Variants in SMARCAL1 observed in about 807,000 individuals in gnomAD.
SMARCAL1 encodes ATP-driven annealing helicase.
Under a neutral mutation model 94.5 loss-of-function variants are expected in SMARCAL1, and 58 were observed. That is an observed-to-expected ratio of 0.61 (90% CI 0.50 to 0.76). The LOEUF (loss-of-function observed/expected upper bound fraction) is 0.76. Ranked by LOEUF, SMARCAL1 falls within the 30% of genes least tolerant of loss-of-function variation. The pLI is 0.00. For missense variants in SMARCAL1, 1,051 were observed against 1,177.9 expected, an observed-to-expected ratio of 0.89 and a Z score of 1.58; for synonymous variants, 422 against 455.1, an observed-to-expected ratio of 0.93 and a Z score of 0.93.
In SMARCAL1 at chr2:216,445,147, G is replaced by A. The variant is rs1044960381; in HGVS notation, c.1711-1871G>A. On this transcript the variant is annotated intron_variant, in intron 10 of 17. Coordinates refer to ENST00000357276, the MANE Select transcript of SMARCAL1 (RefSeq NM_014140.4). ...GATTTATGTAGTTTTATAGATTTCT[G>A]TTTTCCTAGATTTGGAAGTTTTCAG... Among the ~76,000 whole-genome samples, 3 of 152,098 alleles carry A rather than the reference G, an allele frequency of 2.0e-5. No individual in the cohort carries two copies. The East Asian group carries it at 5.8e-4, about 29-fold the overall frequency.
At chr2:216,446,795 A>G in intron 10 of SMARCAL1, 1 of 669,946 alleles carries the variant, frequency 1.5e-6, no homozygotes, top group Non-Finnish European at 2.7e-6. Flanking sequence ...ATTCAATGTA[A>G]TATGTTAAGT....
Position 216,483,031 on chromosome 2 carries a change from A to C in SMARCAL1, c.*54A>C. ...ATTTTAAAATCATGGAATTGAAATA[A>C]AATAATGTATTTTGTTTTAAAACTT... On this transcript the variant is annotated 3_prime_UTR_variant, in exon 18 of 18. Coordinates refer to ENST00000357276, the MANE Select transcript of SMARCAL1 (RefSeq NM_014140.4). The C allele has an allele frequency of 6.2e-7, 1 of 1,601,392 alleles. No individual in the cohort carries two copies. The highest frequency in any genetic ancestry group is 8.5e-7 in the Non-Finnish European group (1 of 1,173,478).
Position 216,423,700 on chromosome 2 carries a change from A to G in SMARCAL1, c.1147+17A>G, listed in dbSNP as rs1426572907. 8 of 1,603,916 alleles carry G rather than the reference A, an allele frequency of 5.0e-6. No homozygotes were observed. The highest frequency in any genetic ancestry group is 6.0e-6 in the Non-Finnish European group (7 of 1,170,822). The stretch of plus-strand genomic sequence containing the variant: ...GTAAACTAAGTGAGAAGCCTTCCTT[A>G]CTTGTTTTATATCATGCTATTGTTA... On this transcript the variant is annotated intron_variant, in intron 6 of 17. Coordinates refer to ENST00000357276, the MANE Select transcript of SMARCAL1 (RefSeq NM_014140.4).
chr2:216,427,125 T>C (rs1574452586), intron 6 of SMARCAL1: 1 of 152,240 alleles, frequency 6.6e-6, no homozygotes, highest in Admixed American at 6.5e-5. Context: ...CATTAGCATC[T>C]CTGCTATGTG....
chr2:216,478,159 T>C, intron 16 of SMARCAL1, 44 bp from the exon 17 acceptor site: 1 of 1,480,558 alleles, frequency 6.8e-7, no homozygotes, highest in Non-Finnish European at 9.5e-7. Context: ...AGTCTGGTGG[T>C]TCTGTGCAGG....
intron 12 of SMARCAL1, among the ~76,000 whole-genome samples, chr2:216,463,725 A>C (rs990496090): frequency 3.6e-4 from 55 of 152,174 alleles, no homozygotes; most frequent in African/African-American, 1.3e-3. Context: ...TATACCAAGA[A>C]CACCTGAATA....
intron 17 of SMARCAL1, among the ~76,000 whole-genome samples, chr2:216,478,503 G>C (rs996353911): frequency 6.6e-6 from 1 of 152,176 alleles, no homozygotes; most frequent in African/African-American, 2.4e-5. Context: ...AGCTCCTACA[G>C]CTGCTGACAT....
intron 12 of SMARCAL1, among the ~76,000 whole-genome samples, chr2:216,457,124 A>G (rs1277897104): frequency 7.4e-6 from 1 of 135,312 alleles, no homozygotes; most frequent in East Asian, 2.2e-4. Context: ...GGATCAATTC[A>G]ACAAGAAGAG....
At chr2:216,423,841 A>C (rs1416740291) in intron 6 of SMARCAL1, among the ~76,000 whole-genome samples, 158 bp downstream of exon 6, 1 of 152,202 alleles carries the variant, frequency 6.6e-6, no homozygotes, top group African/African-American at 2.4e-5. Flanking sequence ...CCTTGTCCAC[A>C]TCCACTGAGA....
chr2:216,458,756 C>T (rs980670593), intron 12 of SMARCAL1, among the ~76,000 whole-genome samples: 15 of 152,142 alleles, frequency 9.9e-5, no homozygotes, highest in African/African-American at 2.4e-4. Context: ...GGAAGCATTC[C>T]CTTTGAAAAC....
intron 13 of SMARCAL1, among the ~76,000 whole-genome samples, chr2:216,466,978 C>T (rs931054232): frequency 6.6e-6 from 1 of 152,142 alleles, no homozygotes; most frequent in African/African-American, 2.4e-5. Flanking sequence ...TGTTCCCTGT[C>T]CAGACGCACC....
intron 14 of SMARCAL1, among the ~76,000 whole-genome samples, chr2:216,470,842 A>AG (rs1694949603): frequency 1.8e-5 from 1 of 55,194 alleles, no homozygotes; most frequent in African/African-American, 4.6e-5. Flanking sequence ...ACATCTCAAA[A>AG]AAAAAAAAAA....
chr2:216,459,350 G>T (rs1433100447), intron 12 of SMARCAL1, among the ~76,000 whole-genome samples: 1 of 152,044 alleles, frequency 6.6e-6, no homozygotes, highest in African/African-American at 2.4e-5. Context: ...AGTTCATATG[G>T]AACCAAAAAA....
At chr2:216,448,589 A>G (rs1439347976) in intron 11 of SMARCAL1, among the ~76,000 whole-genome samples, 1 of 152,112 alleles carries the variant, frequency 6.6e-6, no homozygotes, top group Admixed American at 6.5e-5. Context: ...TCATCTTCAC[A>G]TCTTTCTTTC....
chr2:216,431,336 T>C (rs977748835), intron 7 of SMARCAL1, among the ~76,000 whole-genome samples: 7 of 152,242 alleles, frequency 4.6e-5, no homozygotes, highest in Admixed American at 2.6e-4. Flanking sequence ...CAGCGGCTTA[T>C]TATCAGGATT....
chr2:216,462,408 T>C (rs910817074), intron 12 of SMARCAL1, among the ~76,000 whole-genome samples: 3 of 152,136 alleles, frequency 2.0e-5, no homozygotes, highest in African/African-American at 7.2e-5. Context: ...CCCTGCCCCT[T>C]TGGCTACTAG....
At chr2:216,455,825 C>T (rs1044222392) in intron 12 of SMARCAL1, among the ~76,000 whole-genome samples, 1 of 152,208 alleles carries the variant, frequency 6.6e-6, no homozygotes, top group East Asian at 1.9e-4. Flanking sequence ...AGCTCCTCAC[C>T]AGCAATGGAA....
chr2:216,439,429 T>G (rs2738278), intron 10 of SMARCAL1, among the ~76,000 whole-genome samples: 102,736 of 151,982 alleles, frequency 0.68, 34,840 homozygotes, highest in East Asian at 0.78. Context: ...TCTCACAGAT[T>G]ACTTTGGAGG....
intron 1 of SMARCAL1, among the ~76,000 whole-genome samples, chr2:216,413,632 G>A (rs1309934652): frequency 6.6e-6 from 1 of 151,928 alleles, no homozygotes; most frequent in Non-Finnish European, 1.5e-5. Flanking sequence ...ATCTTAATTT[G>A]CACAGTGAAC....
Sources: allele counts gnomAD v4.1 joint callset (sites outside exome capture counted in the v4.1 genomes callset), GRCh38; gene constraint gnomAD v4.1.1; transcripts MANE v1.5; gene names NCBI Gene and HGNC (gene_info 2026-07-23, HGNC 2026-07-21).